STXBP4: variants seen among roughly 807,000 people sequenced by gnomAD.
The protein encoded by STXBP4 is syntaxin-binding protein 4.
STXBP4 carries 55 observed loss-of-function variants against 76.1 expected under a neutral mutation model. The observed-to-expected ratio is 0.72, with a 90% CI of 0.58 to 0.91. STXBP4 has a LOEUF of 0.91. Among genes scored for constraint, STXBP4 ranks in the 40% least tolerant of loss-of-function variants. STXBP4 has a pLI of 0.00. For synonymous variants in STXBP4, 201 were observed against 220.2 expected (o/e 0.91, Z 0.77); for missense variants, 618 against 636.9 (o/e 0.97, Z 0.32).
chr17:55,113,930 A>G (rs923341157), intron 16 of STXBP4, among the ~76,000 whole-genome samples: 4 of 152,082 alleles, frequency 2.6e-5, no homozygotes, highest in Admixed American at 2.6e-4. Flanking sequence ...TCTGCCTCCT[A>G]CAATCAACAT....
rs374274148 is a variant in STXBP4 at position 54,999,344 on chromosome 17, G to A, written c.181-1G>A. The A allele has an allele frequency of 4.2e-5, 68 of 1,605,622 alleles. No individual in the cohort carries two copies. Among genetic ancestry groups the A allele is most frequent in the Middle Eastern group, 3.3e-4 (2 of 6,046 alleles). ...TTTATAAATGTTACTGTTTTTGTTA[G>A]GATGGTCGTTTGAAGCCAGGAGATC... On this transcript the variant is annotated splice_acceptor_variant, in intron 4 of 17. Coordinates refer to ENST00000376352, the MANE Select transcript of STXBP4 (RefSeq NM_178509.6). LOFTEE classifies it high-confidence loss of function.
intron 17 of STXBP4, among the ~76,000 whole-genome samples, chr17:55,144,867 C>T (rs1158540160): frequency 6.6e-6 from 1 of 152,172 alleles, no homozygotes; most frequent in Admixed American, 6.5e-5. Flanking sequence ...ACCTTAGGCA[C>T]ATTTACTTAA....
chr17:55,056,475 C>A (rs2078924120), intron 12 of STXBP4, among the ~76,000 whole-genome samples: 1 of 152,104 alleles, frequency 6.6e-6, no homozygotes, highest in Non-Finnish European at 1.5e-5. Flanking sequence ...TACCAAAAAT[C>A]TTTTTCTTTT....
chr17:55,159,987 GT>G lies in STXBP4; in HGVS notation c.*77del. 1.1e-6 allele frequency: 1 copy of G among 881,510 alleles called. No homozygotes were observed. Among genetic ancestry groups the G allele is most frequent in the East Asian group, 2.6e-5 (1 of 38,968 alleles). The allele number at this position is 881,510 out of a possible 1,614,324, so 54.6% of individuals were successfully genotyped here. A position where few individuals can be genotyped will look rare whatever the true frequency, so the allele number is the denominator to read the frequency against. On this transcript the variant is annotated 3_prime_UTR_variant, in exon 18 of 18. Transcript: ENST00000376352. ...TAACATCCAATTCTGAGATGAAACA[GT>G]CTAAAATAGGAGTAAAGCATGCACT...
the STXBP4 span, among the ~76,000 whole-genome samples, chr17:55,195,198 G>A: frequency 3.9e-5 from 6 of 152,074 alleles, no homozygotes; most frequent in African/African-American, 1.4e-4. Context: ...CCATCCACCG[G>A]GCAAATTATG....
intron 16 of STXBP4, among the ~76,000 whole-genome samples, chr17:55,133,023 G>A (rs149852254): frequency 6.6e-6 from 1 of 152,068 alleles, no homozygotes; most frequent in African/African-American, 2.4e-5. Context: ...TGGAGATGGG[G>A]GAGCCAGGTC....
intron 17 of STXBP4, among the ~76,000 whole-genome samples, chr17:55,145,914 A>G (rs1472217856): frequency 6.6e-6 from 1 of 152,208 alleles, no homozygotes; most frequent in Non-Finnish European, 1.5e-5. Context: ...ACATTCTTAA[A>G]TTTAATAACA....
At chr17:55,076,106 T>A (rs1180353701) in intron 13 of STXBP4, among the ~76,000 whole-genome samples, 1 of 152,168 alleles carries the variant, frequency 6.6e-6, no homozygotes, top group Non-Finnish European at 1.5e-5. Context: ...ATAAAAATCT[T>A]CTTCCAAATT....
intron 8 of STXBP4, among the ~76,000 whole-genome samples, chr17:55,025,128 G>A (rs1598222845): frequency 6.6e-6 from 1 of 151,534 alleles, no homozygotes; most frequent in Non-Finnish European, 1.5e-5. Context: ...GTGACAGAGC[G>A]AGACTCCGTC....
At chr17:55,095,369 G>T (rs1004334670) in intron 16 of STXBP4, among the ~76,000 whole-genome samples, 1 of 152,106 alleles carries the variant, frequency 6.6e-6, no homozygotes, top group Non-Finnish European at 1.5e-5. Flanking sequence ...TGTAAATGAT[G>T]CCAGAAAGAA....
rs1282126768 is a variant in STXBP4, at chr17:55,011,596, C to T, written c.666+3999C>T. Among the ~76,000 whole-genome samples the T allele has an allele frequency of 2.2e-5, 3 of 136,700 alleles. No individual in the cohort carries two copies. The East Asian group carries it at 6.9e-4, about 31-fold the overall frequency. 89.7% of individuals were successfully genotyped at this position (136,700 alleles called of 152,430 possible). A position where few individuals can be genotyped will look rare whatever the true frequency, so the allele number is the denominator to read the frequency against. On this transcript the variant is annotated intron_variant, in intron 8 of 17. Coordinates refer to ENST00000376352, the MANE Select transcript of STXBP4 (RefSeq NM_178509.6). ...CCAAAGAGGGTAGCCATTGGTGGCT[C>T]GAATGCATGAGTTTATATCCCGATC...
At chr17:55,204,087 T>G in the STXBP4 span, among the ~76,000 whole-genome samples, 1 of 152,130 alleles carries the variant, frequency 6.6e-6, no homozygotes, top group Middle Eastern at 3.4e-3. Flanking sequence ...CAGCTGTATA[T>G]ATGACCTTTT....
intron 16 of STXBP4, among the ~76,000 whole-genome samples, chr17:55,096,410 G>A (rs1012920447): frequency 6.6e-6 from 1 of 152,120 alleles, no homozygotes; most frequent in African/African-American, 2.4e-5. Context: ...ATTTTAATTC[G>A]AATCATTCAA....
At chr17:55,212,889 C>T in the STXBP4 span, among the ~76,000 whole-genome samples, 1 of 152,156 alleles carries the variant, frequency 6.6e-6, no homozygotes, top group African/African-American at 2.4e-5. Context: ...CGTGCTTCAT[C>T]TCATCTATCC....
At chr17:55,029,963 A>G (rs2078477418) in intron 8 of STXBP4, among the ~76,000 whole-genome samples, 1 of 152,130 alleles carries the variant, frequency 6.6e-6, no homozygotes, top group Non-Finnish European at 1.5e-5. Flanking sequence ...GAAATATGTA[A>G]GAGATAATTA....
Position 55,034,267 on chromosome 17 carries a change from ATGCC to A in STXBP4, c.855+9_855+12del. The A allele has an allele frequency of 6.2e-7, 1 of 1,601,720 alleles. No individual in the cohort carries two copies. The highest frequency in any genetic ancestry group is 8.5e-7 in the Non-Finnish European group (1 of 1,171,418). On this transcript the variant is annotated intron_variant, in intron 10 of 17. Transcript: ENST00000376352. ...AATATATTAGATTCACAGGTAGAGT[ATGCC>A]CTATAGAATTGCTTTGACATGTATA...
intron 17 of STXBP4, among the ~76,000 whole-genome samples, chr17:55,157,294 T>A (rs907522179): frequency 1.3e-5 from 2 of 152,230 alleles, no homozygotes; most frequent in Admixed American, 1.3e-4. Flanking sequence ...GACATGTACT[T>A]TGTACAGGGT....
the STXBP4 span, among the ~76,000 whole-genome samples, chr17:55,184,754 G>A: frequency 6.6e-6 from 1 of 152,194 alleles, no homozygotes; most frequent in Non-Finnish European, 1.5e-5. Context: ...ATTAGCTCCT[G>A]GACCTATGCA....
chr17:55,109,325 A>G (rs1321351809), intron 16 of STXBP4, among the ~76,000 whole-genome samples: 1 of 152,146 alleles, frequency 6.6e-6, no homozygotes, highest in Non-Finnish European at 1.5e-5. Flanking sequence ...TATGCCATAT[A>G]TACATTACAA....
Sources: gnomAD v4.1 joint callset for allele counts (sites outside exome capture counted in the v4.1 genomes callset) on GRCh38, gnomAD v4.1.1 for gene constraint, MANE v1.5 for transcripts, NCBI Gene and HGNC (gene_info 2026-07-23, HGNC 2026-07-21) for gene names.